The following RAD51B variants were observed in gnomAD, a reference collection of about 807,000 sequenced individuals.
RAD51B encodes the protein RAD51 paralog B.
A neutral mutation model predicts 42.2 loss-of-function variants in RAD51B; 38 were observed. The ratio of observed to expected loss-of-function variants is 0.90; its 90% CI spans 0.70 to 1.18. The LOEUF (loss-of-function observed/expected upper bound fraction) is 1.18, where lower values mean the gene tolerates loss of function less well. Among genes scored for constraint, RAD51B ranks in the 50% most tolerant of loss-of-function variants. RAD51B has a pLI of 0.00. For missense variants in RAD51B, 373 were observed against 400.7 expected, an observed-to-expected ratio of 0.93 and a Z score of 0.59; for synonymous variants, 154 against 145.2, an observed-to-expected ratio of 1.06 and a Z score of -0.43.
chr14:68,655,672 G>C (rs747823746), intron 11 of RAD51B, among the ~76,000 whole-genome samples: 1 of 152,190 alleles, frequency 6.6e-6, no homozygotes, highest in African/African-American at 2.4e-5. Context: ...ACGCCCACCC[G>C]CGGGGCACTC....
At chr14:68,313,517 C>A (rs995759356) in intron 8 of RAD51B, among the ~76,000 whole-genome samples, 1 of 152,180 alleles carries the variant, frequency 6.6e-6, no homozygotes, top group Non-Finnish European at 1.5e-5. Context: ...CCTTTAGTTC[C>A]GCTGCTGTCT....
chr14:68,419,868 GC>G (rs2140103823), intron 9 of RAD51B, among the ~76,000 whole-genome samples: 1 of 152,276 alleles, frequency 6.6e-6, no homozygotes, highest in East Asian at 1.9e-4. Context: ...CCCATTTCCT[GC>G]CATCCTAGGG....
intron 7 of RAD51B, among the ~76,000 whole-genome samples, chr14:68,244,670 C>A (rs2141008923): frequency 1.3e-5 from 2 of 152,232 alleles, no homozygotes; most frequent in South Asian, 4.2e-4. Context: ...GGTAACAAGG[C>A]CAATCTACTG....
chr14:68,478,108 G>A (rs1004377298), downstream of RAD51B: 1 of 1,035,098 alleles, frequency 9.7e-7, no homozygotes, highest in Non-Finnish European at 1.2e-6. Context: ...AAGAGTAGGT[G>A]TAAAGGAATT....
chr14:68,087,895 A>G (rs2077013938), intron 7 of RAD51B, among the ~76,000 whole-genome samples: 1 of 118,804 alleles, frequency 8.4e-6, no homozygotes, highest in Non-Finnish European at 1.6e-5. Context: ...TATATAATAT[A>G]TTATTTATAT....
chr14:67,994,745 A>G (rs552730077), intron 7 of RAD51B, among the ~76,000 whole-genome samples: 2 of 152,302 alleles, frequency 1.3e-5, no homozygotes, highest in East Asian at 1.9e-4. Context: ...CCCATCTGCA[A>G]CTGATGATTT....
chr14:68,017,291 G>A (rs1381507409), intron 7 of RAD51B, among the ~76,000 whole-genome samples: 1 of 151,980 alleles, frequency 6.6e-6, no homozygotes, highest in Non-Finnish European at 1.5e-5. Flanking sequence ...CACCTCCTAG[G>A]TTCAAGTTAT....
chr14:68,484,784 A>C (rs1883499673), intron 10 of RAD51B, among the ~76,000 whole-genome samples: 1 of 152,100 alleles, frequency 6.6e-6, no homozygotes, highest in Non-Finnish European at 1.5e-5. Context: ...CTGGGAATTC[A>C]TTATCCTGGG....
chr14:67,922,302 G>C (rs1042094043), intron 7 of RAD51B, among the ~76,000 whole-genome samples: 9 of 152,202 alleles, frequency 5.9e-5, no homozygotes, highest in African/African-American at 2.2e-4. Flanking sequence ...TTCTCCCTTA[G>C]ATTTGGGCTT....
At chr14:68,660,639 A>C (rs1252749936) in intron 11 of RAD51B, among the ~76,000 whole-genome samples, 1 of 152,124 alleles carries the variant, frequency 6.6e-6, no homozygotes, top group Non-Finnish European at 1.5e-5. Context: ...TACTGTTCTG[A>C]TCTGTCTCCT....
At chr14:67,990,486 T>C (rs1430356477) in intron 7 of RAD51B, among the ~76,000 whole-genome samples, 1 of 152,208 alleles carries the variant, frequency 6.6e-6, no homozygotes, top group Non-Finnish European at 1.5e-5. Flanking sequence ...GGGAGGACTT[T>C]TATTGTAAAA....
Position 68,326,202 on chromosome 14 carries a change from G to A in RAD51B, c.853+34222G>A, listed in dbSNP as rs190343356. ...ATTACAGGCATGCACCACCACACCC[G>A]GCTAATGTTGTATTTTTAATAGAGA... On this transcript the variant is annotated intron_variant, in intron 8 of 10. Coordinates refer to ENST00000471583, the MANE Select transcript of RAD51B (RefSeq NM_133510.4). Among the ~76,000 whole-genome samples, 883 of 151,440 alleles carry A rather than the reference G, an allele frequency of 5.8e-3. 17 individuals are homozygous for A. Among genetic ancestry groups the A allele is most frequent in the African/African-American group, 0.02 (843 of 41,244 alleles).
intron 7 of RAD51B, among the ~76,000 whole-genome samples, chr14:67,958,431 T>A (rs1320687933): frequency 6.6e-6 from 1 of 152,190 alleles, no homozygotes; most frequent in Non-Finnish European, 1.5e-5. Flanking sequence ...AGAGGCACTC[T>A]CTTGAAAAAA....
At chr14:68,371,036 C>CAAAAAAAAAAAAAAA (rs75617123) in intron 8 of RAD51B, among the ~76,000 whole-genome samples, 2 of 26,086 alleles carry the variant, frequency 7.7e-5, no homozygotes, top group African/African-American at 2.0e-4. Context: ...GACTCTGTCT[C>CAAAAAAAAAAAAAAA]AAAAAAAAAA....
chr14:68,106,673 A>G (rs1416969033), intron 7 of RAD51B, among the ~76,000 whole-genome samples: 2 of 151,846 alleles, frequency 1.3e-5, no homozygotes, highest in Admixed American at 6.6e-5. Flanking sequence ...TTAGTACTTC[A>G]TTGGAACGTT....
intron 7 of RAD51B, among the ~76,000 whole-genome samples, chr14:67,923,298 CTT>C (rs34809964): frequency 8.1e-6 from 1 of 123,654 alleles, no homozygotes; most frequent in Admixed American, 8.2e-5. Context: ...TTTTCTTTTT[CTT>C]TTTTTTTTTT....
intron 7 of RAD51B, among the ~76,000 whole-genome samples, chr14:67,929,057 G>C (rs1336931376): frequency 6.6e-6 from 1 of 151,848 alleles, no homozygotes; most frequent in East Asian, 1.9e-4. Flanking sequence ...AATGATCAAC[G>C]TTTTGTATTG....
chr14:68,529,220 A>G (rs894238137), intron 10 of RAD51B, among the ~76,000 whole-genome samples: 1 of 152,236 alleles, frequency 6.6e-6, no homozygotes, highest in Non-Finnish European at 1.5e-5. Flanking sequence ...TTTTTGAGAC[A>G]GGATCTCACT....
intron 7 of RAD51B, among the ~76,000 whole-genome samples, chr14:68,282,857 A>G (rs968557305): frequency 1.3e-5 from 2 of 152,114 alleles, no homozygotes; most frequent in Admixed American, 1.3e-4. Flanking sequence ...GTAAGCCCAG[A>G]GTTGCTTACT....
Sources: gnomAD v4.1 joint callset for allele counts (sites outside exome capture counted in the v4.1 genomes callset) on GRCh38, gnomAD v4.1.1 for gene constraint, MANE v1.5 for transcripts, NCBI Gene and HGNC (gene_info 2026-07-23, HGNC 2026-07-21) for gene names.